Variants in DGKI observed in about 807,000 individuals in gnomAD.
The protein encoded by DGKI is diacylglycerol kinase iota.
A neutral mutation model predicts 147.5 loss-of-function variants in DGKI; 55 were observed. The observed-to-expected ratio is 0.37, with a 90% CI of 0.30 to 0.47. DGKI has a LOEUF of 0.47. DGKI is among the 20% of genes least tolerant of loss of function. The pLI is 1.00. For synonymous variants in DGKI, 469 were observed against 477.1 expected (o/e 0.98, Z 0.22); for missense variants, 1,007 against 1,323.8 (o/e 0.76, Z 3.71).
intron 1 of DGKI, among the ~76,000 whole-genome samples, chr7:137,824,469 T>C (rs921839340): frequency 6.8e-6 from 1 of 147,090 alleles, no homozygotes; most frequent in Admixed American, 6.9e-5. Context: ...TGAGCCAAGA[T>C]TGTGCCACTG....
At chr7:137,622,361 AC>A (rs1820779340) in intron 7 of DGKI, among the ~76,000 whole-genome samples, 1 of 152,142 alleles carries the variant, frequency 6.6e-6, no homozygotes, top group Admixed American at 6.5e-5. Context: ...TTTTCTGCAA[AC>A]CTTTAACCTC....
chr7:137,435,782 T>C (rs764013923), intron 28 of DGKI, among the ~76,000 whole-genome samples: 2 of 152,142 alleles, frequency 1.3e-5, no homozygotes, highest in Non-Finnish European at 2.9e-5. Flanking sequence ...GTAACATCAG[T>C]CAAGTTTACT....
intron 29 of DGKI, among the ~76,000 whole-genome samples, chr7:137,410,397 T>G (rs1017851189): frequency 2.0e-5 from 3 of 152,144 alleles, no homozygotes; most frequent in African/African-American, 7.2e-5. Context: ...AGAGCGAGAC[T>G]CCATCTCCAA....
At position 137,389,436 on chromosome 7, in the gene DGKI, T is replaced by C. The variant is rs1418633064; in HGVS notation, c.*1784A>G. The stretch of plus-strand genomic sequence containing the variant: ...CATAGCCGCACTTTCAAAATGATGA[T>C]ATGTTACCGAAATGTGACTCAGATA... On this transcript the variant is annotated 3_prime_UTR_variant, in exon 33 of 33. Coordinates refer to ENST00000614521, the MANE Select transcript of DGKI (RefSeq NM_001321708.2). 6.6e-6 allele frequency: 1 copy of C among 152,210 alleles called. No individual in the cohort carries two copies. Among genetic ancestry groups the C allele is most frequent in the Non-Finnish European group, 1.5e-5 (1 of 68,034 alleles). 9.4% of individuals were successfully genotyped at this position (152,210 alleles called of 1,614,324 possible).
chr7:137,471,914 CTATATGTA>C (rs1193951096), intron 23 of DGKI, among the ~76,000 whole-genome samples: 1 of 141,152 alleles, frequency 7.1e-6, no homozygotes, highest in Admixed American at 7.3e-5. Context: ...CTCTTGCTCT[CTATATGTA>C]TATATGTATA....
At position 137,691,798 on chromosome 7, in the gene DGKI, G is replaced by GTTTTTTTTTTT. The variant is rs796902464; in HGVS notation, c.402-1807_402-1797dup. Among the ~76,000 whole-genome samples the GTTTTTTTTTTT allele has an allele frequency of 9.5e-3, 909 of 95,666 alleles. 48 individuals are homozygous for GTTTTTTTTTTT. The highest frequency in any genetic ancestry group is 0.019 in the African/African-American group (496 of 25,548). The allele number at this position is 95,666 out of a possible 152,430, so 62.8% of individuals were successfully genotyped here. On this transcript the variant is annotated intron_variant, in intron 1 of 32. Coordinates refer to ENST00000614521, the MANE Select transcript of DGKI (RefSeq NM_001321708.2). Reference sequence around the variant, plus strand: ...GCTCAGCAAGTGTCTAGACCTTTGGGTTTTTTTTTTTTTTTTTTTTTTTAA... The same window carrying GTTTTTTTTTTT: ...GCTCAGCAAGTGTCTAGACCTTTGGGTTTTTTTTTTTTTTTTTTTTTTTTTTTTTTTTTTAA...
At chr7:137,607,022 CA>C (rs1820207862) in intron 10 of DGKI, among the ~76,000 whole-genome samples, 1 of 152,126 alleles carries the variant, frequency 6.6e-6, no homozygotes, top group South Asian at 2.1e-4. Context: ...GCATAGTGGA[CA>C]GGATGATTGA....
At chr7:137,585,075 A>G (rs1819338632) in intron 14 of DGKI, 134 bp downstream of exon 14, 2 of 995,692 alleles carry the variant, frequency 2.0e-6, no homozygotes, top group South Asian at 3.2e-5. Context: ...TAGCCCCAGT[A>G]GCCATCAACT....
intron 21 of DGKI, among the ~76,000 whole-genome samples, chr7:137,498,194 T>C (rs1010609918): frequency 6.6e-5 from 10 of 151,330 alleles, no homozygotes; most frequent in Admixed American, 5.9e-4. Context: ...GAGACCTCAT[T>C]AGAAAAGTTA....
chr7:137,607,356 T>G (rs1820216091), intron 10 of DGKI, among the ~76,000 whole-genome samples: 1 of 152,210 alleles, frequency 6.6e-6, no homozygotes, highest in Admixed American at 6.5e-5. Flanking sequence ...CTTTAGAAAA[T>G]TCATTTTAAG....
At chr7:137,701,044 A>G (rs961390319) in intron 1 of DGKI, among the ~76,000 whole-genome samples, 3 of 152,064 alleles carry the variant, frequency 2.0e-5, no homozygotes, top group Admixed American at 6.5e-5. Context: ...TGTTCATCCT[A>G]TCCAGTTCGG....
At chr7:137,671,404 G>A (rs551872252) in intron 3 of DGKI, among the ~76,000 whole-genome samples, 2 of 152,282 alleles carry the variant, frequency 1.3e-5, no homozygotes, top group East Asian at 3.9e-4. Flanking sequence ...CAAAATGACA[G>A]GTGAAGCCAT....
Position 137,385,603 on chromosome 7 carries a change from T to A in DGKI, c.*5617A>T, listed in dbSNP as rs1811157914. Reference sequence around the variant, plus strand: ...AAAACCCACTGAAAACTCTGCTTATTTTTCCTAGTTCTATCCTGAGAGCTA... The same window carrying A: ...AAAACCCACTGAAAACTCTGCTTATATTTCCTAGTTCTATCCTGAGAGCTA... On this transcript the variant is annotated 3_prime_UTR_variant, in exon 33 of 33. Coordinates refer to ENST00000614521, the MANE Select transcript of DGKI (RefSeq NM_001321708.2). The A allele has an allele frequency of 3.3e-5, 5 of 152,164 alleles. No homozygotes were observed. The South Asian group carries it at 1.0e-3, about 31-fold the overall frequency. 9.4% of individuals were successfully genotyped at this position (152,164 alleles called of 1,614,324 possible). A position where few individuals can be genotyped will look rare whatever the true frequency, so the allele number is the denominator to read the frequency against.
intron 1 of DGKI, among the ~76,000 whole-genome samples, chr7:137,701,845 A>T (rs911814828): frequency 4.6e-5 from 7 of 152,160 alleles, no homozygotes; most frequent in African/African-American, 1.7e-4. Flanking sequence ...AAAAAACATA[A>T]AATAGCCAAA....
At chr7:137,628,682 C>G (rs1159080985) in intron 6 of DGKI, among the ~76,000 whole-genome samples, 1 of 152,144 alleles carries the variant, frequency 6.6e-6, no homozygotes, top group Non-Finnish European at 1.5e-5. Context: ...TGCTTTGGAT[C>G]CAACTGACTT....
At position 137,578,250 on chromosome 7, in the gene DGKI, GA is replaced by G; in HGVS notation, c.1698+19del. ...GCAATAAGTAATATGTAGTAATTATGAAATAAAATGTATACCTACCCCTGCA... is the reference window on the plus strand; with the variant it reads ...GCAATAAGTAATATGTAGTAATTATGAATAAAATGTATACCTACCCCTGCA... On this transcript the variant is annotated intron_variant, in intron 16 of 32. Transcript: ENST00000614521. 6.4e-7 allele frequency: 1 copy of G among 1,566,772 alleles called. No homozygotes were observed. The highest frequency in any genetic ancestry group is 8.8e-7 in the Non-Finnish European group (1 of 1,137,740).
intron 26 of DGKI, among the ~76,000 whole-genome samples, chr7:137,464,256 CAAAAAA>C (rs58290482): frequency 8.4e-5 from 4 of 47,758 alleles, no homozygotes; most frequent in Non-Finnish European, 2.8e-4. Flanking sequence ...GACTCCATCT[CAAAAAA>C]AAAAAAAAAA....
At chr7:137,477,563 T>C (rs1585153436) in intron 23 of DGKI, among the ~76,000 whole-genome samples, 1 of 152,234 alleles carries the variant, frequency 6.6e-6, no homozygotes, top group African/African-American at 2.4e-5. Context: ...ATTAGCAAGA[T>C]GAATTTCCAT....
intron 1 of DGKI, among the ~76,000 whole-genome samples, chr7:137,817,351 T>G (rs1479209858): frequency 6.6e-6 from 1 of 152,244 alleles, no homozygotes; most frequent in Admixed American, 6.5e-5. Context: ...AAATATTTAT[T>G]GAATGAATTA....
Sources: gnomAD v4.1 joint callset for allele counts (sites outside exome capture counted in the v4.1 genomes callset) on GRCh38, gnomAD v4.1.1 for gene constraint, MANE v1.5 for transcripts, NCBI Gene and HGNC (gene_info 2026-07-23, HGNC 2026-07-21) for gene names.